Variants in ATG5 observed in about 807,000 individuals in gnomAD.
ATG5 encodes autophagy protein 5.
A neutral mutation model predicts 36.5 loss-of-function variants in ATG5; 14 were observed. The observed-to-expected ratio is 0.38, with a 90% CI of 0.25 to 0.60. ATG5 has a LOEUF of 0.60. Ranked by LOEUF, ATG5 falls within the 20% of genes least tolerant of loss-of-function variation. The pLI is 0.60. For synonymous variants in ATG5, 95 were observed against 101.5 expected (o/e 0.94, Z 0.38); for missense variants, 195 against 326.7 (o/e 0.60, Z 3.11).
Position 106,292,500 on chromosome 6 carries a change from C to T in ATG5, c.315+528G>A, listed in dbSNP as rs369004507. On this transcript the variant is annotated intron_variant, in intron 4 of 7. Coordinates refer to ENST00000369076, the MANE Select transcript of ATG5 (RefSeq NM_004849.4). ...GATCAAATCTTTGGAATTCTATCTC[C>T]TAACCCTTCTCTTAATTCATTCAAA... Among the ~76,000 whole-genome samples the T allele has an allele frequency of 3.9e-5, 6 of 152,300 alleles. No homozygotes were observed. In the East Asian group the frequency reaches 1.2e-3, roughly 29 times the overall value.
rs1770019862 is a variant in ATG5 at position 106,297,750 on chromosome 6, AC to A, written c.237-4645del. On this transcript the variant is annotated intron_variant, in intron 3 of 7. Coordinates refer to ENST00000369076, the MANE Select transcript of ATG5 (RefSeq NM_004849.4). ...CACACACACACACACACACACACAC[AC>A]ACACACACACACACATATATATTTT... Among the ~76,000 whole-genome samples the A allele has an allele frequency of 2.8e-5, 4 of 141,864 alleles. No individual in the cohort carries two copies. In the South Asian group the frequency reaches 9.0e-4, roughly 32 times the overall value. 93.1% of individuals were successfully genotyped at this position (141,864 alleles called of 152,430 possible).
chr6:106,236,629 A>G (rs528946843), intron 6 of ATG5, among the ~76,000 whole-genome samples: 2 of 152,294 alleles, frequency 1.3e-5, no homozygotes, highest in South Asian at 4.1e-4. Flanking sequence ...AGCCATTCCT[A>G]TATCTTTTGT....
rs1420503067 is a variant in ATG5, at chr6:106,186,477, A to AG, written c.*62dup. 1 of 1,577,440 alleles carries AG rather than the reference A, an allele frequency of 6.3e-7. No homozygotes were observed. Among genetic ancestry groups the AG allele is most frequent in the Non-Finnish European group, 8.7e-7 (1 of 1,152,402 alleles). The stretch of plus-strand genomic sequence containing the variant: ...CTCCACCAAACCTGATTGAAGCAAA[A>AG]GGGTGACATGCTCTGATAAATCCCA... On this transcript the variant is annotated 3_prime_UTR_variant, in exon 8 of 8. Transcript: ENST00000369076.
intron 4 of ATG5, among the ~76,000 whole-genome samples, chr6:106,282,689 TTGCTA>T (rs1420558090): frequency 6.6e-6 from 1 of 152,218 alleles, no homozygotes; most frequent in African/African-American, 2.4e-5. Context: ...ATTCCTAAGC[TTGCTA>T]TAAGTTTTGA....
At chr6:106,270,782 C>T (rs1021979720) in intron 5 of ATG5, among the ~76,000 whole-genome samples, 1 of 152,144 alleles carries the variant, frequency 6.6e-6, no homozygotes, top group African/African-American at 2.4e-5. Flanking sequence ...ATCTCATTAT[C>T]TAATATTTCA....
At chr6:106,229,385 A>G (rs1049847527) in intron 6 of ATG5, among the ~76,000 whole-genome samples, 2 of 152,084 alleles carry the variant, frequency 1.3e-5, no homozygotes, top group African/African-American at 4.8e-5. Context: ...AGAGACAGAG[A>G]GAAAGAGACA....
At position 106,186,324 on chromosome 6, in the gene ATG5, T is replaced by TGA. The variant is rs1775766740; in HGVS notation, c.*214_*215dup. On this transcript the variant is annotated 3_prime_UTR_variant, in exon 8 of 8. Transcript: ENST00000369076. ...TCCGGTAAGTCTTTCATGTCACAGC[T>TGA]GAGGTTTAATGATGGCAGTGGAGGA... 2.0e-6 allele frequency: 1 copy of TGA among 508,556 alleles called. No individual in the cohort carries two copies. The highest frequency in any genetic ancestry group is 1.9e-5 in the African/African-American group (1 of 51,380). The allele number at this position is 508,556 out of a possible 1,614,324, so 31.5% of individuals were successfully genotyped here. A position where few individuals can be genotyped will look rare whatever the true frequency, so the allele number is the denominator to read the frequency against.
intron 6 of ATG5, among the ~76,000 whole-genome samples, chr6:106,245,742 T>C (rs1778306975): frequency 6.6e-6 from 1 of 152,152 alleles, no homozygotes. Flanking sequence ...TTTCCTTAAA[T>C]TTACTTAGTA....
chr6:106,242,529 GAA>G (rs1433851780), intron 6 of ATG5, among the ~76,000 whole-genome samples: 1 of 151,986 alleles, frequency 6.6e-6, no homozygotes, highest in African/African-American at 2.4e-5. Context: ...TAACACTACT[GAA>G]AATGGTTAAG....
intron 3 of ATG5, among the ~76,000 whole-genome samples, chr6:106,295,065 C>G (rs983214563): frequency 2.7e-5 from 4 of 150,886 alleles, no homozygotes; most frequent in Non-Finnish European, 3.0e-5. Flanking sequence ...AATATACATA[C>G]ACACACACAC....
chr6:106,275,187 G>A (rs981532097), intron 5 of ATG5, among the ~76,000 whole-genome samples: 1 of 152,134 alleles, frequency 6.6e-6, no homozygotes, highest in Non-Finnish European at 1.5e-5. Context: ...AAGTATTCCT[G>A]ATAAAAGAAA....
chr6:106,204,647 T>C (rs1054358160), intron 6 of ATG5, among the ~76,000 whole-genome samples: 6 of 152,170 alleles, frequency 3.9e-5, no homozygotes, highest in African/African-American at 1.4e-4. Context: ...GAGTGAATTC[T>C]CATGAGATCT....
At chr6:106,216,786 G>C (rs1344062217) in intron 6 of ATG5, among the ~76,000 whole-genome samples, 3 of 152,164 alleles carry the variant, frequency 2.0e-5, no homozygotes, top group Admixed American at 6.6e-5. Flanking sequence ...GCTGAGGCAA[G>C]AGGATCACTT....
intron 3 of ATG5, among the ~76,000 whole-genome samples, 160 bp from the exon 4 acceptor site, chr6:106,293,266 G>C (rs1224181571): frequency 6.6e-6 from 1 of 152,176 alleles, no homozygotes; most frequent in African/African-American, 2.4e-5. Flanking sequence ...AGGCTAGTAT[G>C]ATCTACTTTC....
intron 6 of ATG5, among the ~76,000 whole-genome samples, chr6:106,213,949 AT>A (rs1410070716): frequency 6.6e-5 from 10 of 152,198 alleles, no homozygotes; most frequent in African/African-American, 2.2e-4. Context: ...TACAGAACCC[AT>A]TAAGAGAGAA....
chr6:106,193,049 T>C (rs1776030043), intron 7 of ATG5, among the ~76,000 whole-genome samples: 1 of 152,170 alleles, frequency 6.6e-6, no homozygotes, highest in African/African-American at 2.4e-5. Flanking sequence ...AACGCTGATT[T>C]TAAAAGGGCA....
intron 2 of ATG5, among the ~76,000 whole-genome samples, chr6:106,311,735 T>G (rs1205486741): frequency 6.6e-6 from 1 of 152,064 alleles, no homozygotes. Flanking sequence ...ATCAGACATG[T>G]GATTTGAAAA....
At chr6:106,191,625 C>A (rs1261474088) in intron 7 of ATG5, among the ~76,000 whole-genome samples, 1 of 152,052 alleles carries the variant, frequency 6.6e-6, no homozygotes, top group Non-Finnish European at 1.5e-5. Context: ...GATATCCAAG[C>A]AAAGTACTCA....
At chr6:106,190,034 T>A (rs975734823) in intron 7 of ATG5, among the ~76,000 whole-genome samples, 1 of 152,128 alleles carries the variant, frequency 6.6e-6, no homozygotes, top group Non-Finnish European at 1.5e-5. Flanking sequence ...AGTATAGTTA[T>A]CACAATAAAA....
Sources: allele counts gnomAD v4.1 joint callset (sites outside exome capture counted in the v4.1 genomes callset), GRCh38; gene constraint gnomAD v4.1.1; transcripts MANE v1.5; gene names NCBI Gene and HGNC (gene_info 2026-07-23, HGNC 2026-07-21).